The following LAMA3 variants were observed in gnomAD, a reference collection of about 807,000 sequenced individuals.
The protein encoded by LAMA3 is laminin subunit alpha 3, also known as laminin subunit alpha-3.
A neutral mutation model predicts 402.0 loss-of-function variants in LAMA3; 281 were observed. The ratio of observed to expected loss-of-function variants is 0.70; its 90% CI spans 0.63 to 0.77. The LOEUF is 0.77. LAMA3 is among the 30% of genes least tolerant of loss of function. The pLI is 0.00. For synonymous variants in LAMA3, 1,431 were observed against 1,558.4 expected (o/e 0.92, Z 1.93); for missense variants, 3,840 against 4,215.5 (o/e 0.91, Z 2.47).
At chr18:23,776,871 G>A (rs1342524450) in intron 10 of LAMA3, among the ~76,000 whole-genome samples, 16 of 136,098 alleles carry the variant, frequency 1.2e-4, no homozygotes, top group African/African-American at 3.5e-4. Context: ...ACAGAATTTC[G>A]CTCTTGTTGC....
chr18:23,710,148 G>T, intron 1 of LAMA3: 3 of 692,298 alleles, frequency 4.3e-6, no homozygotes, highest in Non-Finnish European at 5.3e-6. Context: ...GTCGTGGGCC[G>T]CCGGAAGGTG....
chr18:23,868,249 G>A (rs2064414419), intron 37 of LAMA3, among the ~76,000 whole-genome samples: 1 of 151,962 alleles, frequency 6.6e-6, no homozygotes, highest in South Asian at 2.1e-4. Flanking sequence ...GATCACTTCT[G>A]GTCACAAACA....
In LAMA3 at chr18:23,773,160, A is replaced by T. The variant is rs76917003; in HGVS notation, c.1183-337A>T. On this transcript the variant is annotated intron_variant, in intron 8 of 74. Transcript: ENST00000313654. Reference sequence around the variant, plus strand: ...ATCCATTCGTCAGTTCTTCTGAATGAGGCTACGAGAACAGTCCTCTTCAGT... The same window carrying T: ...ATCCATTCGTCAGTTCTTCTGAATGTGGCTACGAGAACAGTCCTCTTCAGT... 1.3e-3 allele frequency among the ~76,000 whole-genome samples: 205 copies of T among 152,362 alleles called. 1 individual carries two copies. The highest frequency in any genetic ancestry group is 4.8e-3 in the African/African-American group (200 of 41,584).
Position 23,842,652 on chromosome 18 carries a change from C to G in LAMA3, c.3505C>G (p.Arg1169Gly), listed in dbSNP as rs368888694. 2.2e-5 allele frequency: 36 copies of G among 1,614,160 alleles called. No individual in the cohort carries two copies. The highest frequency in any genetic ancestry group is 3.0e-5 in the Non-Finnish European group (35 of 1,180,040). Residue 1169 changes from arginine to glycine, a missense_variant, in exon 29 of 75, where the codon CGG becomes GGG. Physicochemically the swap from Arg to Gly is moderately radical, Grantham distance 125. Transcript: ENST00000313654. ...ASFCPHVLGC[R>G]DQVIAEGQIE... ...TTTTTGCCCCCATGTGCTTGGCTGC[C>G]GGGATCAAGTGATTGCCGAAGGCCA...
chr18:23,848,703 G>A (rs2063877933), intron 32 of LAMA3, among the ~76,000 whole-genome samples: 4 of 152,174 alleles, frequency 2.6e-5, no homozygotes. Context: ...GGCTGTGGTA[G>A]TCTCCCATGA....
chr18:23,759,044 GT>G lies in LAMA3; in HGVS notation c.1063+543del, dbSNP rs140559805. Among the ~76,000 whole-genome samples, 8 of 148,182 alleles carry G rather than the reference GT, an allele frequency of 5.4e-5. No individual in the cohort carries two copies. The East Asian group carries it at 5.9e-4, about 11-fold the overall frequency. On this transcript the variant is annotated intron_variant, in intron 7 of 74. Coordinates refer to ENST00000313654, the MANE Select transcript of LAMA3 (RefSeq NM_198129.4). ...GAGTGTAACATAAAGTAAGAAAAGCGTTTTTTTTTTGTTTTTGTTTTTTAGG... is the reference window on the plus strand; with the variant it reads ...GAGTGTAACATAAAGTAAGAAAAGCGTTTTTTTTTGTTTTTGTTTTTTAGG...
chr18:23,920,241 C>G (rs1045872881), intron 60 of LAMA3, among the ~76,000 whole-genome samples: 3 of 152,112 alleles, frequency 2.0e-5, no homozygotes, highest in African/African-American at 4.8e-5. Context: ...GTAGGTCATA[C>G]GTTCTGTGTG....
At chr18:23,953,234 G>A in intron 74 of LAMA3, 125 bp downstream of exon 74, 1 of 1,263,878 alleles carries the variant, frequency 7.9e-7, no homozygotes, top group Non-Finnish European at 1.1e-6. Context: ...GCACTGGCAT[G>A]TGGGGAAAGG....
At chr18:23,827,265 A>G in intron 22 of LAMA3, 49 bp from the exon 23 acceptor site, 1 of 1,594,748 alleles carries the variant, frequency 6.3e-7, no homozygotes, top group South Asian at 1.1e-5. Flanking sequence ...ATTCCGTTTG[A>G]TGTTCTCAGT....
At chr18:23,889,156 A>G (rs1330223784) in intron 41 of LAMA3, among the ~76,000 whole-genome samples, 2 of 152,200 alleles carry the variant, frequency 1.3e-5, no homozygotes, top group African/African-American at 4.8e-5. Flanking sequence ...GGCCAGGTGC[A>G]GTGGTTCATG....
At chr18:23,867,997 T>G in intron 37 of LAMA3, 80 bp downstream of exon 37, 4 of 1,095,140 alleles carry the variant, frequency 3.7e-6, no homozygotes, top group Non-Finnish European at 5.6e-6. Flanking sequence ...TTTACTCATT[T>G]TAAGAATTGT....
chr18:23,900,066 T>TGC (rs1430767281), intron 47 of LAMA3, among the ~76,000 whole-genome samples: 1 of 45,662 alleles, frequency 2.2e-5, no homozygotes, highest in East Asian at 9.9e-4. Context: ...TTTGTGTGTG[T>TGC]GTGCGTGTGT....
rs1219777833 is a variant in LAMA3, at chr18:23,949,851, G to C, written c.9438G>C (p.Gly3146=). Residue 3146 remains glycine (G), a synonymous_variant, in exon 71 of 75, where the codon GGG becomes GGC. Coordinates refer to ENST00000313654, the MANE Select transcript of LAMA3 (RefSeq NM_198129.4). ...TGTATACCCCTTCTTCAAGCTTCGG[G>C]GTGTCTTCCTGCTTGGGTGGTCCTT... is the stretch of plus-strand genomic sequence containing the variant. The part of the protein sequence containing the change: ...KPLYTPSSSF[G]VSSCLGGPLE... The C allele has an allele frequency of 6.2e-7, 1 of 1,613,860 alleles. No individual in the cohort carries two copies. Among genetic ancestry groups the C allele is most frequent in the African/African-American group, 1.3e-5 (1 of 74,908 alleles).
At position 23,903,921 on chromosome 18, in the gene LAMA3, T is replaced by G. The variant is rs576255849; in HGVS notation, c.6319-12T>G. On this transcript the variant is annotated splice_polypyrimidine_tract_variant and intron_variant, in intron 49 of 74. Transcript: ENST00000313654. ...TGAATTTATACTGTCTTTGTTTATT[T>G]GGAAAAAATAGGAATATGAAAAATT... is the stretch of plus-strand genomic sequence containing the variant. 1.9e-6 allele frequency: 3 copies of G among 1,602,748 alleles called. No individual in the cohort carries two copies. The highest frequency in any genetic ancestry group is 2.6e-6 in the Non-Finnish European group (3 of 1,170,546).
chr18:23,794,528 C>T (rs1279534426), intron 12 of LAMA3, among the ~76,000 whole-genome samples: 2 of 152,192 alleles, frequency 1.3e-5, no homozygotes, highest in African/African-American at 4.8e-5. Context: ...CCTTTCCTGC[C>T]TACTGTGGGA....
At chr18:23,848,890 G>A (rs2063883931) in intron 32 of LAMA3, among the ~76,000 whole-genome samples, 1 of 143,744 alleles carries the variant, frequency 7.0e-6, no homozygotes, top group Admixed American at 7.0e-5. Flanking sequence ...TATTCCTGGG[G>A]GAGTCCCTGG....
chr18:23,917,437 A>T (rs1021735303), intron 60 of LAMA3, among the ~76,000 whole-genome samples: 1 of 152,234 alleles, frequency 6.6e-6, no homozygotes, highest in Non-Finnish European at 1.5e-5. Context: ...TGAGAAATAG[A>T]CAAACTGCTT....
chr18:23,944,105 G>A, intron 69 of LAMA3, 134 bp downstream of exon 69: 1 of 844,414 alleles, frequency 1.2e-6, no homozygotes, highest in East Asian at 2.6e-5. Context: ...TGCAGGCGCT[G>A]CGTTCCCAGC....
chr18:23,773,498 A>G lies in LAMA3; in HGVS notation c.1184A>G (p.His395Arg), dbSNP rs995766282. The change falls in exon 9 of 75, where the codon CAC becomes CGC. Residue 395 changes from histidine to arginine, a missense_variant and splice_region_variant. Transcript: ENST00000313654. ...AGGGVCINCQ[H>R]NTAGVNCEQC... ...TAAGTTTCTTTTGTTTCTTTCTAGC[A>G]CAACACAGCTGGAGTAAACTGTGAA... 3 of 1,587,284 alleles carry G rather than the reference A, an allele frequency of 1.9e-6. No homozygotes were observed. The African/African-American group carries it at 4.0e-5, about 21-fold the overall frequency.
Sources: allele counts gnomAD v4.1 joint callset (sites outside exome capture counted in the v4.1 genomes callset), GRCh38; gene constraint gnomAD v4.1.1; transcripts MANE v1.5; gene names NCBI Gene and HGNC (gene_info 2026-07-23, HGNC 2026-07-21).